OTUD7A: variants seen among roughly 807,000 people sequenced by gnomAD.
OTUD7A encodes OTU domain-containing protein 7A.
In OTUD7A, 12 loss-of-function variants were observed where a neutral mutation model predicts 65.7. That is an observed-to-expected ratio of 0.18 (90% CI 0.12 to 0.30). The LOEUF (loss-of-function observed/expected upper bound fraction) is 0.30, where lower values mean the gene tolerates loss of function less well. OTUD7A is among the 10% of genes least tolerant of loss of function. The pLI is 1.00. For synonymous variants in OTUD7A, 641 were observed against 586.3 expected (o/e 1.09, Z -1.35); for missense variants, 1,148 against 1,304.8 (o/e 0.88, Z 1.85).
intron 3 of OTUD7A, among the ~76,000 whole-genome samples, chr15:31,620,037 G>T (rs1321186247): frequency 6.6e-6 from 1 of 152,172 alleles, no homozygotes; most frequent in Non-Finnish European, 1.5e-5. Flanking sequence ...CATGGTTTTT[G>T]TCTTTGGTTC....
intron 8 of OTUD7A, among the ~76,000 whole-genome samples, chr15:31,524,628 C>T (rs1381136748): frequency 2.0e-5 from 3 of 151,972 alleles, no homozygotes; most frequent in East Asian, 1.9e-4. Context: ...GATGGGGTCA[C>T]TCCCATCCAC....
rs57633615 is a variant in OTUD7A, at chr15:31,781,021, C to G, written c.-100+89486G>C. On this transcript the variant is annotated intron_variant, in intron 1 of 12. Coordinates refer to ENST00000307050, the MANE Select transcript of OTUD7A (RefSeq NM_001382637.1). ...TCTTGTTTAGTCAGTTAAATAATGG[C>G]CCTTGTGGCAAGCTGTGTTTTCTAA... is the stretch of plus-strand genomic sequence containing the variant. Among the ~76,000 whole-genome samples, 778 of 152,242 alleles carry G rather than the reference C, an allele frequency of 5.1e-3. 5 individuals are homozygous for G. Among genetic ancestry groups the G allele is most frequent in the African/African-American group, 0.018 (742 of 41,544 alleles).
intron 1 of OTUD7A, among the ~76,000 whole-genome samples, chr15:31,718,297 G>C (rs4299115): frequency 3.9e-5 from 6 of 152,102 alleles, no homozygotes; most frequent in African/African-American, 1.2e-4. Flanking sequence ...TTTTAGCATG[G>C]AATGAAATTT....
chr15:31,697,275 G>A (rs1893104344), intron 1 of OTUD7A, among the ~76,000 whole-genome samples: 1 of 126,248 alleles, frequency 7.9e-6, no homozygotes, highest in Non-Finnish European at 1.8e-5. Context: ...GTTTAATGCT[G>A]CTACCTCCTT....
chr15:31,484,384 T>G lies in OTUD7A; in HGVS notation c.1712A>C (p.Lys571Thr), dbSNP rs773190159. 2.6e-5 allele frequency: 42 copies of G among 1,601,090 alleles called. No individual in the cohort carries two copies. Among genetic ancestry groups the G allele is most frequent in the South Asian group, 1.1e-4 (10 of 91,022 alleles). ...CTTGCTGCCCTTGCGCGACTTGGCC[T>G]TCTTCTCCTTGCCCCGCTCGGCCGA... ...GDSAERGKEK[K>T]AKSRKGSKEE... Residue 571 changes from lysine (K) to threonine (T), a missense_variant, in exon 13 of 13, where the codon AAG becomes ACG. Transcript: ENST00000307050. This position sits in a 1 kb window ranked among gnomAD's most constrained non-coding sequence, Gnocchi z 4.5.
chr15:31,589,044 G>T (rs761205088), intron 3 of OTUD7A, among the ~76,000 whole-genome samples: 15 of 152,206 alleles, frequency 9.9e-5, no homozygotes, highest in Admixed American at 2.6e-4. Flanking sequence ...GGGACATGAG[G>T]CCTCGTAGCC....
intron 1 of OTUD7A, among the ~76,000 whole-genome samples, chr15:31,729,760 C>T (rs1893990766): frequency 6.6e-6 from 1 of 152,184 alleles, no homozygotes. Context: ...CAAGGCTCCT[C>T]CAAACGATGG....
intron 1 of OTUD7A, among the ~76,000 whole-genome samples, chr15:31,819,818 A>G (rs1308928776): frequency 6.6e-6 from 1 of 151,966 alleles, no homozygotes; most frequent in Admixed American, 6.6e-5. Context: ...ATGTATCAGT[A>G]TATATGTTAT....
In OTUD7A at chr15:31,664,336, A is replaced by AT. The variant is rs57041516; in HGVS notation, c.-99-7260dup. On this transcript the variant is annotated intron_variant, in intron 1 of 12. Transcript: ENST00000307050. ...CCATGCCAACATCTACTGTTTGTTG[A>AT]TTTTTTTTTTTTATTACGGCCATTC... is the stretch of plus-strand genomic sequence containing the variant. Among the ~76,000 whole-genome samples the AT allele has an allele frequency of 1.0e-3, 137 of 131,416 alleles. 4 individuals carry two copies. The Middle Eastern group carries it at 0.011, about 11-fold the overall frequency. 86.2% of individuals were successfully genotyped at this position (131,416 alleles called of 152,430 possible).
intron 1 of OTUD7A, among the ~76,000 whole-genome samples, chr15:31,840,336 G>A (rs1348435700): frequency 6.6e-6 from 1 of 152,156 alleles, no homozygotes; most frequent in East Asian, 1.9e-4. Context: ...TACTCAGGAG[G>A]CTGAGGCACG....
At chr15:31,646,390 GTCTT>G (rs1162168380) in intron 3 of OTUD7A, among the ~76,000 whole-genome samples, 1 of 151,982 alleles carries the variant, frequency 6.6e-6, no homozygotes. Context: ...GAGAGGAAGT[GTCTT>G]TCTTTCTCTC....
chr15:31,767,654 A>G, intron 1 of OTUD7A: 1 of 758,420 alleles, frequency 1.3e-6, no homozygotes. Flanking sequence ...AACTTCTTCA[A>G]CGTCTTCCTG....
intron 8 of OTUD7A, among the ~76,000 whole-genome samples, chr15:31,524,259 C>A (rs74010702): frequency 0.08 from 12,113 of 152,162 alleles, 724 homozygotes; most frequent in African/African-American, 0.17. Context: ...CTGTGGGGAC[C>A]AGGTGGCTGT....
chr15:31,503,646 T>C lies in OTUD7A; in HGVS notation c.1021+45A>G, dbSNP rs754396654. 8 of 1,612,848 alleles carry C rather than the reference T, an allele frequency of 5.0e-6. No individual in the cohort carries two copies. The African/African-American group carries it at 5.3e-5, about 11-fold the overall frequency. ...TATCTGCTTTCTAGCTGGGATGCTA[T>C]GCTTTCTGTGTCATGAATACAACAC... On this transcript the variant is annotated intron_variant, in intron 9 of 12. Coordinates refer to ENST00000307050, the MANE Select transcript of OTUD7A (RefSeq NM_001382637.1).
At chr15:31,777,404 G>T (rs542897223) in intron 1 of OTUD7A, among the ~76,000 whole-genome samples, 1 of 152,136 alleles carries the variant, frequency 6.6e-6, no homozygotes, top group Non-Finnish European at 1.5e-5. Context: ...AATGGTCAAC[G>T]CTGAACCATA....
chr15:31,484,453 C>A lies in OTUD7A; in HGVS notation c.1643G>T (p.Gly548Val). The change falls in exon 13 of 13, where the codon GGC (glycine) becomes GTC (valine). Residue 548 changes from glycine to valine, a missense_variant. Physicochemically the swap from Gly to Val is moderately radical, Grantham distance 109. Coordinates refer to ENST00000307050, the MANE Select transcript of OTUD7A (RefSeq NM_001382637.1). This position sits in a 1 kb window ranked among gnomAD's most constrained non-coding sequence, Gnocchi z 4.5. ...GGCGGAGTTGGCGCGGCCCATCTTG[C>A]CGTGCACCAGGCCGCCGAGGCCGCC... is the stretch of plus-strand genomic sequence containing the variant. ...NMGGLGGLVH[G>V]KMGRANSANG... is the part of the protein sequence containing the mutation. 1.2e-6 allele frequency: 2 copies of A among 1,604,728 alleles called. No individual in the cohort carries two copies. Among genetic ancestry groups the A allele is most frequent in the Non-Finnish European group, 1.7e-6 (2 of 1,179,922 alleles).
chr15:31,580,654 T>A (rs1889345164), intron 3 of OTUD7A, among the ~76,000 whole-genome samples: 1 of 152,186 alleles, frequency 6.6e-6, no homozygotes. Flanking sequence ...TAAAGTCATG[T>A]CTTACATGGT....
intron 1 of OTUD7A, among the ~76,000 whole-genome samples, chr15:31,773,428 C>T (rs1895291914): frequency 6.6e-6 from 1 of 152,208 alleles, no homozygotes; most frequent in South Asian, 2.1e-4. Flanking sequence ...ATGGTGCCTT[C>T]TCCCCATCCT....
At position 31,487,404 on chromosome 15, in the gene OTUD7A, A is replaced by G; in HGVS notation, c.1286+48T>C. The stretch of plus-strand genomic sequence containing the variant: ...ATTCCCTCCCCAGGATGCCCCAGCC[A>G]TAGCCCTCCCTGTGGGCGCTGGGGA... On this transcript the variant is annotated intron_variant, in intron 11 of 12. Coordinates refer to ENST00000307050, the MANE Select transcript of OTUD7A (RefSeq NM_001382637.1). This position sits in a 1 kb window ranked among gnomAD's most constrained non-coding sequence, Gnocchi z 6.0. 6.3e-7 allele frequency: 1 copy of G among 1,597,192 alleles called. No individual in the cohort carries two copies. The highest frequency in any genetic ancestry group is 8.6e-7 in the Non-Finnish European group (1 of 1,167,402).
Sources: gnomAD v4.1 joint callset for allele counts (sites outside exome capture counted in the v4.1 genomes callset) on GRCh38, gnomAD v4.1.1 for gene constraint, Gnocchi (gnomAD v3.1) non-coding constraint, MANE v1.5 for transcripts, NCBI Gene and HGNC (gene_info 2026-07-23, HGNC 2026-07-21) for gene names.